GPR158: variants seen among roughly 807,000 people sequenced by gnomAD.
GPR158 encodes the protein metabotropic glycine receptor.
A neutral mutation model predicts 78.2 loss-of-function variants in GPR158; 30 were observed. The ratio of observed to expected loss-of-function variants is 0.38; its 90% confidence interval spans 0.29 to 0.52. GPR158 has a LOEUF of 0.52. Among genes scored for constraint, GPR158 ranks in the 20% least tolerant of loss-of-function variants. The probability of loss-of-function intolerance (pLI) is 0.83; values close to 1 mark genes in which losing one functional copy is unlikely to be tolerated. For missense variants in GPR158, 1,463 were observed against 1,523.5 expected, an observed-to-expected ratio of 0.96 and a Z score of 0.66; for synonymous variants, 581 against 591.1, an observed-to-expected ratio of 0.98 and a Z score of 0.25.
chr10:25,408,957 C>G lies in GPR158; in HGVS notation c.1112-3293C>G, dbSNP rs183236591. On this transcript the variant is annotated intron_variant, in intron 3 of 10. Coordinates refer to ENST00000376351, the MANE Select transcript of GPR158 (RefSeq NM_020752.3). ...GACTCAAGTGTGCATAATGCAGGCACGTGGAGGCGGTTGATGATTCTGGAA... is the reference window on the plus strand; with the variant it reads ...GACTCAAGTGTGCATAATGCAGGCAGGTGGAGGCGGTTGATGATTCTGGAA... 9.3e-4 allele frequency among the ~76,000 whole-genome samples: 141 copies of G among 152,250 alleles called. No individual in the cohort carries two copies. The Middle Eastern group carries it at 0.01, about 11-fold the overall frequency.
chr10:25,345,951 T>C (rs867531124), intron 2 of GPR158, among the ~76,000 whole-genome samples: 1 of 151,880 alleles, frequency 6.6e-6, no homozygotes, highest in Non-Finnish European at 1.5e-5. Flanking sequence ...TGGATTACAA[T>C]CTCTGTGAGC....
At chr10:25,371,345 G>C (rs10741079) in intron 2 of GPR158, among the ~76,000 whole-genome samples, 92,687 of 151,468 alleles carry the variant, frequency 0.61, 29,644 homozygotes, top group Non-Finnish European at 0.73. Context: ...CCTTCAGGAG[G>C]TCTTTTAGGG....
chr10:25,580,472 T>C (rs985514895), intron 7 of GPR158, among the ~76,000 whole-genome samples: 1 of 152,164 alleles, frequency 6.6e-6, no homozygotes, highest in Non-Finnish European at 1.5e-5. Context: ...CGCTGAGTTA[T>C]ATAAGGAAAT....
chr10:25,524,129 T>C (rs989660844), intron 5 of GPR158, among the ~76,000 whole-genome samples: 36 of 152,072 alleles, frequency 2.4e-4, no homozygotes, highest in African/African-American at 8.5e-4. Flanking sequence ...GACTATACAA[T>C]GAAAACTACA....
chr10:25,468,374 C>G (rs1835453144), intron 5 of GPR158, among the ~76,000 whole-genome samples: 1 of 152,136 alleles, frequency 6.6e-6, no homozygotes, highest in African/African-American at 2.4e-5. Flanking sequence ...ATTTGAATGA[C>G]CTTAGACAAG....
At chr10:25,534,640 A>G (rs7080997) in intron 5 of GPR158, among the ~76,000 whole-genome samples, 62,166 of 151,290 alleles carry the variant, frequency 0.41, 12,958 homozygotes, top group East Asian at 0.55. Context: ...TGTAATCTCA[A>G]CTATTTGGGA....
At chr10:25,327,945 C>A (rs1336840295) in intron 2 of GPR158, among the ~76,000 whole-genome samples, 2 of 151,860 alleles carry the variant, frequency 1.3e-5, no homozygotes, top group Admixed American at 1.3e-4. Flanking sequence ...CGTTATTGAC[C>A]CTATTCCTCT....
chr10:25,307,227 T>G (rs938063622), intron 2 of GPR158, among the ~76,000 whole-genome samples: 37 of 144,356 alleles, frequency 2.6e-4, no homozygotes, highest in African/African-American at 5.6e-4. Flanking sequence ...AAAGATAGTG[T>G]TTTTTTTTTG....
intron 5 of GPR158, among the ~76,000 whole-genome samples, chr10:25,504,323 A>G (rs752078767): frequency 2.6e-5 from 4 of 152,204 alleles, no homozygotes; most frequent in Non-Finnish European, 4.4e-5. Context: ...GGGCTGCCCA[A>G]GTACCCCTGC....
At chr10:25,314,862 CATATAT>C (rs67847605) in intron 2 of GPR158, among the ~76,000 whole-genome samples, 44 of 111,380 alleles carry the variant, frequency 4.0e-4, no homozygotes, top group Admixed American at 1.9e-3. Context: ...CACACACTGT[CATATAT>C]ATATATATAT....
At position 25,175,805 on chromosome 10, in the gene GPR158, C is replaced by T. The variant is rs565620071; in HGVS notation, c.385C>T (p.Leu129=). The T allele has an allele frequency of 2.7e-5, 44 of 1,612,106 alleles. No homozygotes were observed. In the South Asian group the frequency reaches 3.6e-4, roughly 13 times the overall value. The change falls in exon 1 of 11, where the codon CTG becomes TTG. Residue 129 remains leucine, a synonymous_variant. Transcript: ENST00000376351. This position sits in a 1 kb window ranked among gnomAD's most constrained non-coding sequence, Gnocchi z 6.4. ...CTCCTTGCACCGGGCGCTGGACACA[C>T]TGACACACGCCACCAACTTCCTCAA... ...HPSLHRALDT[L]THATNFLNVM... is the part of the protein sequence containing the mutation.
chr10:25,517,601 A>G (rs1285145931), intron 5 of GPR158, among the ~76,000 whole-genome samples: 1 of 152,106 alleles, frequency 6.6e-6, no homozygotes, highest in Non-Finnish European at 1.5e-5. Context: ...AATTTTGTCA[A>G]AGGCCTTTTC....
intron 8 of GPR158, among the ~76,000 whole-genome samples, chr10:25,591,247 A>C (rs1487742654): frequency 6.6e-6 from 1 of 152,082 alleles, no homozygotes; most frequent in Admixed American, 6.6e-5. Flanking sequence ...AAACCTACTT[A>C]ATTTTATTTA....
chr10:25,533,331 A>G (rs1330400661), intron 5 of GPR158, among the ~76,000 whole-genome samples: 1 of 152,174 alleles, frequency 6.6e-6, no homozygotes, highest in Non-Finnish European at 1.5e-5. Flanking sequence ...CTTAAGAAAA[A>G]AATCATTCAG....
chr10:25,504,644 C>G (rs546279754), intron 5 of GPR158, among the ~76,000 whole-genome samples: 1 of 152,334 alleles, frequency 6.6e-6, no homozygotes, highest in South Asian at 2.1e-4. Flanking sequence ...CCCCGAGTGC[C>G]TGACTTCATT....
intron 2 of GPR158, among the ~76,000 whole-genome samples, chr10:25,322,353 C>A (rs1854963273): frequency 6.6e-6 from 1 of 151,562 alleles, no homozygotes; most frequent in Non-Finnish European, 1.5e-5. Flanking sequence ...TGCACTCCAG[C>A]CTGGGTGACA....
chr10:25,512,053 T>C (rs1836093538), intron 5 of GPR158, among the ~76,000 whole-genome samples: 1 of 152,188 alleles, frequency 6.6e-6, no homozygotes, highest in Non-Finnish European at 1.5e-5. Flanking sequence ...TAGGATTGTT[T>C]TTCCTAGTTC....
In GPR158 at chr10:25,176,512, C is replaced by G. The variant is rs866284251; in HGVS notation, c.902+190C>G. 6.6e-6 allele frequency among the ~76,000 whole-genome samples: 1 copy of G among 152,202 alleles called. No individual in the cohort carries two copies. The highest frequency in any genetic ancestry group is 1.5e-5 in the Non-Finnish European group (1 of 68,032). ...TTGGGGGCAAGAAGCGCCCCACGCCCGTCAGCTTCCGGCGCTCGGCGAAAG... is the reference window on the plus strand; with the variant it reads ...TTGGGGGCAAGAAGCGCCCCACGCCGGTCAGCTTCCGGCGCTCGGCGAAAG... On this transcript the variant is annotated intron_variant, in intron 1 of 10. Coordinates refer to ENST00000376351, the MANE Select transcript of GPR158 (RefSeq NM_020752.3). This position sits in a 1 kb window ranked among gnomAD's most constrained non-coding sequence, Gnocchi z 6.3.
chr10:25,358,009 A>G (rs886487036), intron 2 of GPR158, among the ~76,000 whole-genome samples: 17 of 152,084 alleles, frequency 1.1e-4, no homozygotes, highest in Non-Finnish European at 2.1e-4. Context: ...TTGCATCAAC[A>G]TGACCTGCAT....
Sources: allele counts gnomAD v4.1 joint callset (sites outside exome capture counted in the v4.1 genomes callset), GRCh38; gene constraint gnomAD v4.1.1; non-coding constraint Gnocchi (gnomAD v3.1); transcripts MANE v1.5; gene names NCBI Gene and HGNC (gene_info 2026-07-23, HGNC 2026-07-21).